HPR: variants seen among roughly 807,000 people sequenced by gnomAD.
The protein encoded by HPR is Haptoglobin-related locus.
HPR carries 17 observed loss-of-function variants against 18.5 expected under a neutral mutation model. The ratio of observed to expected loss-of-function variants is 0.92; its 90% CI spans 0.63 to 1.38. HPR has a LOEUF of 1.38. Among genes scored for constraint, HPR ranks in the 40% most tolerant of loss-of-function variants. The probability of loss-of-function intolerance (pLI) is 0.00; values close to 1 mark genes in which losing one functional copy is unlikely to be tolerated. For missense variants in HPR, 457 were observed against 432.4 expected, an observed-to-expected ratio of 1.06 and a Z score of -0.51; for synonymous variants, 176 against 165.0, an observed-to-expected ratio of 1.07 and a Z score of -0.51.
At chr16:72,065,562 TAAGAAG>T (rs2041589322) in intron 1 of HPR, among the ~76,000 whole-genome samples, 1 of 152,154 alleles carries the variant, frequency 6.6e-6, no homozygotes, top group Non-Finnish European at 1.5e-5. Context: ...GGACTAAGCA[TAAGAAG>T]AAGGAGCAAA....
At position 72,076,818 on chromosome 16, in the gene HPR, A is replaced by G. The variant is rs756002763; in HGVS notation, c.784A>G (p.Lys262Glu). The change falls in exon 5 of 5, where the codon AAA becomes GAA. Residue 262 changes from lysine to glutamate, a missense_variant. Physicochemically the swap from Lys to Glu is moderately conservative, Grantham distance 56 (BLOSUM62 1). Transcript: ENST00000540303. ...ITHYEGSTCP[K>E]WKAPKSPVGV... ...GCATTATGAAGGCAGCACATGCCCC[A>G]AATGGAAGGCACCGAAGAGCCCTGT... 1.4e-5 allele frequency: 22 copies of G among 1,614,106 alleles called. No homozygotes were observed. The Middle Eastern group carries it at 4.9e-4, about 36-fold the overall frequency.
chr16:72,067,246 G>T (rs1041267077), intron 1 of HPR, among the ~76,000 whole-genome samples: 14 of 152,186 alleles, frequency 9.2e-5, no homozygotes, highest in African/African-American at 3.4e-4. Flanking sequence ...ACCTACACAT[G>T]AGCTTATCAC....
At chr16:72,071,330 C>A (rs2041653167) in intron 1 of HPR, among the ~76,000 whole-genome samples, 1 of 152,172 alleles carries the variant, frequency 6.6e-6, no homozygotes, top group South Asian at 2.1e-4. Flanking sequence ...GCACTTTAAA[C>A]AAATATGAAT....
intron 1 of HPR, among the ~76,000 whole-genome samples, chr16:72,073,599 A>G (rs1174569021): frequency 6.6e-6 from 1 of 152,096 alleles, no homozygotes; most frequent in Admixed American, 6.6e-5. Flanking sequence ...GTACCTTTCT[A>G]TCCCTCTCTG....
At position 72,076,425 on chromosome 16, in the gene HPR, G is replaced by T. The variant is rs1175488919; in HGVS notation, c.391G>T (p.Ala131Ser). The part of the protein sequence containing the change: ...MVSHHNLTTG[A>S]TLINEQWLLT... Reference sequence around the variant, plus strand: ...TTCCCACCATAATCTCACCACAGGGGCCACGCTGATCAATGAACAATGGCT... The same window carrying T: ...TTCCCACCATAATCTCACCACAGGGTCCACGCTGATCAATGAACAATGGCT... Residue 131 changes from alanine (A) to serine (S), a missense_variant, in exon 5 of 5, where the codon GCC (alanine) becomes TCC (serine). Transcript: ENST00000540303. 5.0e-6 allele frequency: 8 copies of T among 1,614,066 alleles called. No individual in the cohort carries two copies. The highest frequency in any genetic ancestry group is 5.9e-6 in the Non-Finnish European group (7 of 1,180,050).
intron 1 of HPR, among the ~76,000 whole-genome samples, chr16:72,070,204 T>C (rs2041640029): frequency 6.6e-6 from 1 of 152,220 alleles, no homozygotes; most frequent in Non-Finnish European, 1.5e-5. Context: ...GATACTGGCC[T>C]TTCCCCTTAT....
chr16:72,074,187 G>C (rs954281371), intron 2 of HPR, 97 bp from the exon 3 acceptor site: 1 of 1,282,624 alleles, frequency 7.8e-7, no homozygotes, highest in African/African-American at 1.4e-5. Context: ...GGTAGAAGGA[G>C]ATTGATGTGC....
chr16:72,077,088 G>A lies in HPR; in HGVS notation c.*7G>A. 1 of 1,602,452 alleles carries A rather than the reference G, an allele frequency of 6.2e-7. No homozygotes were observed. Among genetic ancestry groups the A allele is most frequent in the Non-Finnish European group, 8.5e-7 (1 of 1,172,028 alleles). ...GACCATAGCTGAGAACTAATGCAAG[G>A]CTGGCCGGAAGCCCTTGCCTGAAAG... is the stretch of plus-strand genomic sequence containing the variant. On this transcript the variant is annotated 3_prime_UTR_variant, in exon 5 of 5. Coordinates refer to ENST00000540303, the MANE Select transcript of HPR (RefSeq NM_020995.4).
At chr16:72,071,054 C>A (rs1443126474) in intron 1 of HPR, among the ~76,000 whole-genome samples, 3 of 152,006 alleles carry the variant, frequency 2.0e-5, no homozygotes, top group African/African-American at 7.2e-5. Flanking sequence ...GGATTAGGAG[C>A]AAATGTTACA....
chr16:72,075,009 TTC>T (rs2041702904), intron 3 of HPR, 134 bp from the exon 4 acceptor site: 1 of 1,321,406 alleles, frequency 7.6e-7, no homozygotes, highest in Non-Finnish European at 1.1e-6. Context: ...CCTTCTCGTA[TTC>T]TCTCTCCTTT....
chr16:72,066,186 G>T (rs1382129716), intron 1 of HPR, among the ~76,000 whole-genome samples: 2 of 152,192 alleles, frequency 1.3e-5, no homozygotes, highest in Non-Finnish European at 2.9e-5. Flanking sequence ...CATTGGTTTT[G>T]TAAATGCTCT....
chr16:72,075,808 C>T (rs943034952), intron 4 of HPR, among the ~76,000 whole-genome samples: 6 of 151,958 alleles, frequency 3.9e-5, no homozygotes, highest in Non-Finnish European at 8.8e-5. Context: ...ATTGTAGCTC[C>T]TAGCCCTTTC....
rs376496954 is a variant in HPR, at chr16:72,076,919, C to A, written c.885C>A (p.Gly295=). Residue 295 remains glycine (G), a synonymous_variant, in exon 5 of 5, where the codon GGC becomes GGA. Coordinates refer to ENST00000540303, the MANE Select transcript of HPR (RefSeq NM_020995.4). ...MSKYQEDTCY[G]DAGSAFAVHD... The stretch of plus-strand genomic sequence containing the variant: ...AGTACCAGGAAGACACCTGCTATGG[C>A]GATGCGGGCAGTGCCTTTGCCGTTC... 7 of 1,614,128 alleles carry A rather than the reference C, an allele frequency of 4.3e-6. No individual in the cohort carries two copies. In the South Asian group the frequency reaches 4.4e-5, roughly 10 times the overall value.
At chr16:72,065,486 G>T (rs2041588471) in intron 1 of HPR, among the ~76,000 whole-genome samples, 1 of 152,094 alleles carries the variant, frequency 6.6e-6, no homozygotes, top group African/African-American at 2.4e-5. Flanking sequence ...GATGAAAATA[G>T]TAACAAGGAT....
At chr16:72,074,883 G>T in intron 3 of HPR, 1 of 672,618 alleles carries the variant, frequency 1.5e-6, no homozygotes, top group East Asian at 2.7e-5. Flanking sequence ...GTCAGGATTT[G>T]AACCCTGAGC....
chr16:72,066,382 T>G (rs949452089), intron 1 of HPR, among the ~76,000 whole-genome samples: 3 of 152,180 alleles, frequency 2.0e-5, no homozygotes, highest in African/African-American at 7.2e-5. Flanking sequence ...AGGGCTGCTA[T>G]GGCAATTTGG....
chr16:72,073,816 C>A (rs2144073385), intron 1 of HPR, 76 bp from the exon 2 acceptor site: 1 of 1,607,716 alleles, frequency 6.2e-7, no homozygotes. Flanking sequence ...GTGTACATGC[C>A]TGTGTGTGTG....
At position 72,074,337 on chromosome 16, in the gene HPR, T is replaced by G. The variant is rs187620078; in HGVS notation, c.145T>G (p.Phe49Val). 20 of 1,614,094 alleles carry G rather than the reference T, an allele frequency of 1.2e-5. No homozygotes were observed. Among genetic ancestry groups the G allele is most frequent in the Admixed American group, 1.7e-5 (1 of 60,014 alleles). Residue 49 changes from phenylalanine to valine, a missense_variant, in exon 3 of 5, where the codon TTT becomes GTT. Phe to Val is a conservative substitution (Grantham distance 50, BLOSUM62 -1). Coordinates refer to ENST00000540303, the MANE Select transcript of HPR (RefSeq NM_020995.4). ...TGCAAATGGCTATGTGGAGCACTTGTTTCGCTACCAGTGTAAGAACTACTA... is the reference window on the plus strand; with the variant it reads ...TGCAAATGGCTATGTGGAGCACTTGGTTCGCTACCAGTGTAAGAACTACTA... ...EIANGYVEHL[F>V]RYQCKNYYRL...
At chr16:72,074,079 CATTCTT>C in intron 2 of HPR, 102 bp downstream of exon 2, 1 of 1,489,972 alleles carries the variant, frequency 6.7e-7, no homozygotes, top group South Asian at 1.2e-5. Context: ...CACAGTTCCC[CATTCTT>C]ATCCTGACCT....
Sources: allele counts gnomAD v4.1 joint callset (sites outside exome capture counted in the v4.1 genomes callset), GRCh38; gene constraint gnomAD v4.1.1; transcripts MANE v1.5; gene names NCBI Gene and HGNC (gene_info 2026-07-23, HGNC 2026-07-21).